Variants in CDON observed in about 807,000 individuals in gnomAD.
CDON encodes cell adhesion associated, oncogene regulated.
CDON carries 73 observed loss-of-function variants against 120.9 expected under a neutral mutation model. The ratio of observed to expected loss-of-function variants is 0.60; its 90% CI spans 0.50 to 0.73. The LOEUF is 0.73. Ranked by LOEUF, CDON falls within the 30% of genes least tolerant of loss-of-function variation. The pLI is 0.00. For missense variants in CDON, 1,470 were observed against 1,587.3 expected, an observed-to-expected ratio of 0.93 and a Z score of 1.26; for synonymous variants, 566 against 573.5, an observed-to-expected ratio of 0.99 and a Z score of 0.19.
At position 126,034,195 on chromosome 11, in the gene CDON, G is replaced by A. The variant is rs997928265; in HGVS notation, c.-61-10658C>T. Among the ~76,000 whole-genome samples the A allele has an allele frequency of 1.3e-5, 2 of 151,882 alleles. No individual in the cohort carries two copies. Among genetic ancestry groups the A allele is most frequent in the Non-Finnish European group, 1.5e-5 (1 of 68,030 alleles). ...CCCCCACTTCTCCCAAGTCTCAGTC[G>A]AGTCAGCCAAGCATACAAACGATCC... On this transcript the variant is annotated intron_variant, in intron 1 of 19. Coordinates refer to ENST00000531738, the MANE Select transcript of CDON (RefSeq NM_001378964.1). The surrounding 1 kb of genome is among the most constrained non-coding windows in gnomAD (Gnocchi z 4.5).
intron 15 of CDON, among the ~76,000 whole-genome samples, chr11:125,988,786 T>C (rs1002027449): frequency 1.4e-4 from 21 of 152,216 alleles, no homozygotes; most frequent in Admixed American, 6.5e-4. Flanking sequence ...ATGTTCAATT[T>C]AGAATCAGCA....
chr11:126,039,058 C>T lies in CDON; in HGVS notation c.-61-15521G>A, dbSNP rs548718915. 9.9e-5 allele frequency among the ~76,000 whole-genome samples: 15 copies of T among 152,268 alleles called. No homozygotes were observed. The South Asian group carries it at 1.0e-3, about 11-fold the overall frequency. On this transcript the variant is annotated intron_variant, in intron 1 of 19. Coordinates refer to ENST00000531738, the MANE Select transcript of CDON (RefSeq NM_001378964.1). ...TGGAACAATGAATGTGCCCCTAAAA[C>T]GAAGAGAGCTATTTCCATTTCTGTT...
intron 15 of CDON, among the ~76,000 whole-genome samples, chr11:125,987,879 A>T (rs1227652675): frequency 1.3e-4 from 20 of 152,224 alleles, no homozygotes; most frequent in Admixed American, 1.3e-3. Context: ...TGGGCTTAAG[A>T]TGTGAGTATT....
chr11:125,969,248 T>C (rs565079333), intron 18 of CDON, among the ~76,000 whole-genome samples: 58 of 152,356 alleles, frequency 3.8e-4, no homozygotes, highest in Admixed American at 1.1e-3. Context: ...TCCGCCTGCC[T>C]TAGTCTCCCA....
intron 1 of CDON, among the ~76,000 whole-genome samples, chr11:126,042,856 C>T (rs1432190234): frequency 6.6e-6 from 1 of 152,026 alleles, no homozygotes; most frequent in Non-Finnish European, 1.5e-5. Context: ...CTCCTAAGCT[C>T]GGGCAATCCA....
At chr11:126,054,921 C>T (rs1188405852) in intron 1 of CDON, among the ~76,000 whole-genome samples, 3 of 151,990 alleles carry the variant, frequency 2.0e-5, no homozygotes, top group East Asian at 1.9e-4. Flanking sequence ...TTCCAGCCTG[C>T]GAGAAAGCAT....
chr11:126,057,604 C>T (rs1948710685), intron 1 of CDON, among the ~76,000 whole-genome samples: 1 of 152,188 alleles, frequency 6.6e-6, no homozygotes, highest in South Asian at 2.1e-4. Context: ...TTCTATATCT[C>T]CATCTGGGTA....
chr11:126,062,508 AG>A (rs1232373027), intron 1 of CDON, 70 bp downstream of exon 1: 2 of 152,388 alleles, frequency 1.3e-5, no homozygotes, highest in African/African-American at 4.8e-5. Context: ...CCCTAAGCCA[AG>A]GCCCCCCAAG....
At chr11:125,977,834 T>TAA (rs61617990) in intron 18 of CDON, among the ~76,000 whole-genome samples, 32 of 150,996 alleles carry the variant, frequency 2.1e-4, no homozygotes, top group African/African-American at 5.1e-4. Context: ...TTTTAAGAAT[T>TAA]AAAAAAAAAC....
chr11:126,001,902 G>A, intron 10 of CDON, 52 bp from the exon 11 acceptor site: 1 of 1,391,500 alleles, frequency 7.2e-7, no homozygotes, highest in Non-Finnish European at 1.0e-6. Context: ...TGTATGTAAA[G>A]TGGAAAAAAA....
At chr11:126,026,663 T>G (rs2134727503) in intron 1 of CDON, among the ~76,000 whole-genome samples, 1 of 152,322 alleles carries the variant, frequency 6.6e-6, no homozygotes, top group Non-Finnish European at 1.5e-5. Flanking sequence ...AGTTTTTTCT[T>G]GCTGACCTCC....
In CDON at chr11:126,015,466, G is replaced by A; in HGVS notation, c.973C>T (p.Leu325=). 1 of 1,613,938 alleles carries A rather than the reference G, an allele frequency of 6.2e-7. No individual in the cohort carries two copies. Among genetic ancestry groups the A allele is most frequent in the South Asian group, 1.1e-5 (1 of 91,072 alleles). ...SKGLQDQIVS[L]GATVHFTCDV... ...CAGGTAAAGTGTACTGTGGCACCCA[G>A]AGACACTATCTGATCCTGTAGTCCT... The change falls in exon 7 of 20, where the codon CTG becomes TTG. Residue 325 remains leucine (L), a synonymous_variant. Coordinates refer to ENST00000531738, the MANE Select transcript of CDON (RefSeq NM_001378964.1).
At chr11:126,001,982 T>A in intron 10 of CDON, 132 bp from the exon 11 acceptor site, 1 of 708,738 alleles carries the variant, frequency 1.4e-6, no homozygotes, top group Non-Finnish European at 2.5e-6. Context: ...CATCTAAATG[T>A]AAGACCTACT....
chr11:126,023,322 G>C, intron 2 of CDON, 79 bp downstream of exon 2: 4 of 895,964 alleles, frequency 4.5e-6, no homozygotes, highest in Non-Finnish European at 7.6e-6. Flanking sequence ...TTATCACAAA[G>C]CATTGAAGTA....
intron 1 of CDON, among the ~76,000 whole-genome samples, chr11:126,058,941 A>T (rs542162006): frequency 1.3e-5 from 2 of 152,370 alleles, no homozygotes; most frequent in East Asian, 1.9e-4. Context: ...GTAATGCCTC[A>T]GAAACACTAG....
At chr11:126,040,632 G>A (rs983941374) in intron 1 of CDON, among the ~76,000 whole-genome samples, 8 of 151,092 alleles carry the variant, frequency 5.3e-5, no homozygotes, top group African/African-American at 9.7e-5. Context: ...TGGCTAACAC[G>A]GTGAAACCCC....
chr11:125,981,366 A>ACATGCACATACG, intron 16 of CDON, 37 bp from the exon 17 acceptor site: 1 of 1,573,966 alleles, frequency 6.4e-7, no homozygotes, highest in Non-Finnish European at 8.6e-7. Flanking sequence ...ACACGCACAC[A>ACATGCACATACG]CACACACGCA....
chr11:126,052,610 GT>G (rs1314180690), intron 1 of CDON, among the ~76,000 whole-genome samples: 25 of 152,292 alleles, frequency 1.6e-4, no homozygotes, highest in Admixed American at 1.0e-3. Context: ...ATCACTTGAG[GT>G]CAAGAGTTCA....
chr11:125,962,094 A>G (rs1207073964), intron 18 of CDON, 96 bp from the exon 19 acceptor site: 1 of 944,440 alleles, frequency 1.1e-6, no homozygotes, highest in African/African-American at 1.6e-5. Flanking sequence ...TTCTGTATTC[A>G]CAGACTCTTA....
Sources: gnomAD v4.1 joint callset for allele counts (sites outside exome capture counted in the v4.1 genomes callset) on GRCh38, gnomAD v4.1.1 for gene constraint, Gnocchi (gnomAD v3.1) non-coding constraint, MANE v1.5 for transcripts, NCBI Gene and HGNC (gene_info 2026-07-23, HGNC 2026-07-21) for gene names.